The following KLC3 variants were observed in gnomAD, a reference collection of about 807,000 sequenced individuals.
KLC3 encodes the protein kinesin light chain 2.
A neutral mutation model predicts 62.9 loss-of-function variants in KLC3; 72 were observed. That is an observed-to-expected ratio of 1.15 (90% CI 0.95 to 1.39). The LOEUF is 1.39. Among genes scored for constraint, KLC3 ranks in the 40% most tolerant of loss-of-function variants. The pLI is 0.00. For missense variants in KLC3, 848 were observed against 691.6 expected, an observed-to-expected ratio of 1.23 and a Z score of -2.54; for synonymous variants, 377 against 300.5, an observed-to-expected ratio of 1.25 and a Z score of -2.63.
chr19:45,350,505 TCCCCCTAGGTG>T lies in KLC3; in HGVS notation c.1235-3_1242del, dbSNP rs1568527339. On this transcript the variant is annotated splice_acceptor_variant and splice_polypyrimidine_tract_variant and coding_sequence_variant and intron_variant, in exon 10 of 13. Coordinates refer to ENST00000391946, the MANE Select transcript of KLC3 (RefSeq NM_177417.3). LOFTEE classifies it high-confidence loss of function. ...TCCCCATCTCAGTGTCCCCCATCTT[TCCCCCTAGGTG>T]CCCCCAACACAGGCACAGCTGGTGA... 2.5e-6 allele frequency: 4 copies of T among 1,612,534 alleles called. No homozygotes were observed. The highest frequency in any genetic ancestry group is 2.2e-5 in the East Asian group (1 of 44,826).
At chr19:45,343,717 C>T (rs137996209) in intron 1 of KLC3, among the ~76,000 whole-genome samples, 18 of 152,234 alleles carry the variant, frequency 1.2e-4, no homozygotes, top group African/African-American at 4.1e-4. Context: ...ATGTGTGTGC[C>T]TGAGTCAGTG....
chr19:45,345,089 C>T (rs539208266), intron 1 of KLC3: 26 of 224,922 alleles, frequency 1.2e-4, no homozygotes, highest in Admixed American at 7.2e-4. Context: ...CCACACGCCC[C>T]GCCTCACTCT....
In KLC3 at chr19:45,348,731, G is replaced by C. The variant is rs774038497; in HGVS notation, c.865G>C (p.Ala289Pro). 1 of 1,584,350 alleles carries C rather than the reference G, an allele frequency of 6.3e-7. No homozygotes were observed. The highest frequency in any genetic ancestry group is 2.3e-5 in the East Asian group (1 of 43,202). The stretch of plus-strand genomic sequence containing the variant: ...GCAGACGCTGGGCCCTGAGCACCCC[G>C]CGGTGAGTGGGGCCCCAGGGAGACG... The part of the protein sequence containing the change: ...REQTLGPEHP[A>P]VAATLNNLAV... Residue 289 changes from alanine (A) to proline (P), a missense_variant and splice_region_variant, in exon 6 of 13, where the codon GCG becomes CCG. Transcript: ENST00000391946.
At position 45,345,732 on chromosome 19, in the gene KLC3, T is replaced by C. The variant is rs756887832; in HGVS notation, c.191T>C (p.Leu64Pro). 373 of 1,559,588 alleles carry C rather than the reference T, an allele frequency of 2.4e-4. 1 individual carries two copies. The highest frequency in any genetic ancestry group is 3.0e-4 in the Non-Finnish European group (343 of 1,152,914). The change falls in exon 2 of 13, where the codon CTG becomes CCG. Residue 64 changes from leucine to proline, a missense_variant. Transcript: ENST00000391946. The part of the protein sequence containing the change: ...GQGPAAGLEM[L>P]EEKQQVVSHS... ...GGCCCGGCAGCCGGCTTGGAGATGC[T>C]GGAGGAAAAGCAGCAGGTGGTGAGC...
At position 45,350,415 on chromosome 19, in the gene KLC3, C is replaced by G. The variant is rs765850357; in HGVS notation, c.1218C>G (p.Asp406Glu). The change falls in exon 9 of 13, where the codon GAC (aspartate) becomes GAG (glutamate). Residue 406 changes from aspartate to glutamate, a missense_variant. Coordinates refer to ENST00000391946, the MANE Select transcript of KLC3 (RefSeq NM_177417.3). ...ELYKEILHKE[D>E]LPAPLGAPNT... ...ACAAAGAAATCCTCCACAAGGAGGA[C>G]CTACCCGCCCCTCTCGGTGAGCCCC... is the stretch of plus-strand genomic sequence containing the variant. 6.2e-7 allele frequency: 1 copy of G among 1,613,682 alleles called. No homozygotes were observed. Among genetic ancestry groups the G allele is most frequent in the Admixed American group, 1.7e-5 (1 of 59,996 alleles).
At chr19:45,349,836 G>GGCAGCCACAGA (rs1568526190) in intron 8 of KLC3, 3 of 530,084 alleles carry the variant, frequency 5.7e-6, no homozygotes, top group Non-Finnish European at 6.7e-6. Context: ...GCAGGCACAG[G>GGCAGCCACAGA]TGGCAGCAGC....
chr19:45,341,938 A>T (rs1971405478), intron 1 of KLC3, among the ~76,000 whole-genome samples: 1 of 151,874 alleles, frequency 6.6e-6, no homozygotes, highest in African/African-American at 2.4e-5. Context: ...GACAGGATGG[A>T]AAAGGGGGTC....
rs2123197659 is a variant in KLC3, at chr19:45,349,823, CT to C, written c.1143+222del. 3 of 546,224 alleles carry C rather than the reference CT, an allele frequency of 5.5e-6. No homozygotes were observed. In the East Asian group the frequency reaches 9.2e-5, roughly 17 times the overall value. 33.8% of individuals were successfully genotyped at this position (546,224 alleles called of 1,614,324 possible). A position where few individuals can be genotyped will look rare whatever the true frequency, so the allele number is the denominator to read the frequency against. On this transcript the variant is annotated intron_variant, in intron 8 of 12. Transcript: ENST00000391946. Reference sequence around the variant, plus strand: ...CAGAGGACAGCCAGTGAAGCGGAAGCTGGCAGGCACAGGTGGCAGCAGCAGA... The same window carrying C: ...CAGAGGACAGCCAGTGAAGCGGAAGCGGCAGGCACAGGTGGCAGCAGCAGA...
chr19:45,351,427 G>C lies in KLC3; in HGVS notation c.*70G>C. The C allele has an allele frequency of 6.3e-7, 1 of 1,592,224 alleles. No individual in the cohort carries two copies. The highest frequency in any genetic ancestry group is 8.5e-7 in the Non-Finnish European group (1 of 1,172,520). ...GGAGGGATGGGCTGGTGGGGTGAGA[G>C]GGGGTCTATCATCTCCTGGCCCCCC... On this transcript the variant is annotated 3_prime_UTR_variant, in exon 13 of 13. Coordinates refer to ENST00000391946, the MANE Select transcript of KLC3 (RefSeq NM_177417.3).
Position 45,350,946 on chromosome 19 carries a change from CTT to C in KLC3, c.1380-6_1380-5del, listed in dbSNP as rs761353833. 48 of 1,613,956 alleles carry C rather than the reference CTT, an allele frequency of 3.0e-5. No homozygotes were observed. The highest frequency in any genetic ancestry group is 3.6e-5 in the Non-Finnish European group (42 of 1,179,958). ...TCACTCATTTCCTCCCTGCTGCCCT[CTT>C]TGCAGAATGAAGAGAGCCATGTCAC... On this transcript the variant is annotated splice_region_variant and splice_polypyrimidine_tract_variant and intron_variant, in intron 11 of 12. Coordinates refer to ENST00000391946, the MANE Select transcript of KLC3 (RefSeq NM_177417.3).
At chr19:45,342,398 G>A (rs1326135010) in intron 1 of KLC3, among the ~76,000 whole-genome samples, 1 of 152,056 alleles carries the variant, frequency 6.6e-6, no homozygotes, top group Non-Finnish European at 1.5e-5. Flanking sequence ...ACTAGCCTGG[G>A]CAATATGGTG....
At chr19:45,349,124 G>A (rs140856202) in intron 7 of KLC3, among the ~76,000 whole-genome samples, 98 of 151,980 alleles carry the variant, frequency 6.4e-4, no homozygotes, top group African/African-American at 2.3e-3. Flanking sequence ...CTGACCTCTC[G>A]CCTTACCTCA....
At position 45,349,458 on chromosome 19, in the gene KLC3, C is replaced by T. The variant is rs754587102; in HGVS notation, c.999C>T (p.Ala333=). The T allele has an allele frequency of 1.2e-6, 2 of 1,612,674 alleles. No individual in the cohort carries two copies. The highest frequency in any genetic ancestry group is 3.3e-5 in the Admixed American group (2 of 59,894). ...KVLGADHPDV[A]KQLNNLALLC... Reference sequence around the variant, plus strand: ...TGGGTGCTGACCACCCAGATGTGGCCAAGCAGCTCAACAACCTGGCCCTGC... The same window carrying T: ...TGGGTGCTGACCACCCAGATGTGGCTAAGCAGCTCAACAACCTGGCCCTGC... Residue 333 remains alanine, a synonymous_variant, in exon 8 of 13, where the codon GCC becomes GCT. Coordinates refer to ENST00000391946, the MANE Select transcript of KLC3 (RefSeq NM_177417.3).
At chr19:45,344,151 G>GT (rs1971442021) in intron 1 of KLC3, among the ~76,000 whole-genome samples, 1 of 110,930 alleles carries the variant, frequency 9.0e-6, no homozygotes, top group African/African-American at 4.6e-5. Flanking sequence ...TTTCTAATGA[G>GT]GGAGTGTGTG....
At position 45,348,008 on chromosome 19, in the gene KLC3, C is replaced by G; in HGVS notation, c.627C>G (p.Thr209=). The G allele has an allele frequency of 6.2e-7, 1 of 1,609,146 alleles. No individual in the cohort carries two copies. Among genetic ancestry groups the G allele is most frequent in the Non-Finnish European group, 8.5e-7 (1 of 1,178,028 alleles). The change falls in exon 5 of 13, where the codon ACC becomes ACG. Residue 209 remains threonine (T), a synonymous_variant. Coordinates refer to ENST00000391946, the MANE Select transcript of KLC3 (RefSeq NM_177417.3). ...GGYEIPARLR[T]LHNLVIQYAG... ...ATGAGATCCCTGCCCGCCTTCGGAC[C>G]CTGCATAACCTCGTGATCCAGTACG...
At position 45,351,227 on chromosome 19, in the gene KLC3, G is replaced by A. The variant is rs1241660743; in HGVS notation, c.1444-59G>A. 13 of 1,591,306 alleles carry A rather than the reference G, an allele frequency of 8.2e-6. No individual in the cohort carries two copies. The East Asian group carries it at 2.7e-4, about 33-fold the overall frequency. On this transcript the variant is annotated intron_variant, in intron 12 of 12. Transcript: ENST00000391946. ...TGCCAGGCTGGACCTGGAGCTGGAG[G>A]GTGGATGTAACACTTGCCCCTCACC...
At chr19:45,347,088 A>G (rs897944729) in intron 3 of KLC3, 45 of 422,678 alleles carry the variant, frequency 1.1e-4, no homozygotes, top group African/African-American at 8.6e-4. Context: ...CACGCCTGTA[A>G]TCCCAACACT....
chr19:45,341,128 G>A (rs1356634954), intron 1 of KLC3, among the ~76,000 whole-genome samples: 1 of 152,076 alleles, frequency 6.6e-6, no homozygotes, highest in African/African-American at 2.4e-5. Context: ...GCAGGCCAGG[G>A]TAAGTTGGTG....
In KLC3 at chr19:45,351,404, AGGGATGGGCTGGT is replaced by A; in HGVS notation, c.*51_*63del. 2 of 1,601,320 alleles carry A rather than the reference AGGGATGGGCTGGT, an allele frequency of 1.2e-6. No homozygotes were observed. Among genetic ancestry groups the A allele is most frequent in the South Asian group, 2.2e-5 (2 of 90,944 alleles). ...CGCAGCTTCTTGGGAACAGTGCAGG[AGGGATGGGCTGGT>A]GGGGTGAGAGGGGGTCTATCATCTC... On this transcript the variant is annotated 3_prime_UTR_variant, in exon 13 of 13. Transcript: ENST00000391946.
Sources: allele counts gnomAD v4.1 joint callset (sites outside exome capture counted in the v4.1 genomes callset), GRCh38; gene constraint gnomAD v4.1.1; transcripts MANE v1.5; gene names NCBI Gene and HGNC (gene_info 2026-07-23, HGNC 2026-07-21).